ROBO1: variants seen among roughly 807,000 people sequenced by gnomAD.
ROBO1 encodes roundabout guidance receptor 1.
Under a neutral mutation model 195.9 loss-of-function variants are expected in ROBO1, and 149 were observed. That is an observed-to-expected ratio of 0.76 (90% confidence interval 0.67 to 0.87). The LOEUF is 0.87. Ranked by LOEUF, ROBO1 falls within the 40% of genes least tolerant of loss-of-function variation. The probability of loss-of-function intolerance (pLI) is 0.00; values close to 1 mark genes in which losing one functional copy is unlikely to be tolerated. For synonymous variants in ROBO1, 816 were observed against 733.2 expected, an observed-to-expected ratio of 1.11 and a Z score of -1.82; for missense variants, 1,933 against 2,068.3, an observed-to-expected ratio of 0.93 and a Z score of 1.27.
intron 2 of ROBO1, among the ~76,000 whole-genome samples, chr3:79,493,073 T>C (rs934157814): frequency 1.3e-5 from 2 of 151,906 alleles, no homozygotes; most frequent in African/African-American, 2.4e-5. Context: ...GAAAACAAAA[T>C]ACATCAGGCT....
chr3:78,741,095 G>A (rs1036122352), intron 5 of ROBO1, among the ~76,000 whole-genome samples: 4 of 151,946 alleles, frequency 2.6e-5, no homozygotes, highest in Non-Finnish European at 5.9e-5. Flanking sequence ...TATCACCTAG[G>A]TACTATTAAA....
At chr3:79,751,465 G>A (rs1275092651) in intron 1 of ROBO1, among the ~76,000 whole-genome samples, 1 of 151,996 alleles carries the variant, frequency 6.6e-6, no homozygotes, top group East Asian at 1.9e-4. Flanking sequence ...TTAGGGAAGG[G>A]GGATTAATAA....
chr3:79,183,540 G>T (rs555030714), intron 2 of ROBO1, among the ~76,000 whole-genome samples: 1 of 152,346 alleles, frequency 6.6e-6, no homozygotes, highest in Non-Finnish European at 1.5e-5. Context: ...AAGGAAACAA[G>T]AAATAGATCT....
chr3:78,930,906 T>G (rs866785145), intron 4 of ROBO1, among the ~76,000 whole-genome samples: 1 of 152,212 alleles, frequency 6.6e-6, no homozygotes, highest in South Asian at 2.1e-4. Flanking sequence ...CATTGCATAT[T>G]GCCCAGTAAT....
At chr3:79,118,788 C>A (rs1380031691) in intron 3 of ROBO1, among the ~76,000 whole-genome samples, 1 of 151,394 alleles carries the variant, frequency 6.6e-6, no homozygotes, top group East Asian at 1.9e-4. Flanking sequence ...TTGCTTGAAC[C>A]CGGGAGGTGG....
intron 1 of ROBO1, among the ~76,000 whole-genome samples, chr3:79,675,272 T>G (rs1299731563): frequency 2.0e-5 from 3 of 152,048 alleles, no homozygotes; most frequent in East Asian, 3.9e-4. Context: ...CTTTGAAATT[T>G]TATATACTTA....
At chr3:78,667,646 A>C (rs1707813548) in intron 14 of ROBO1, among the ~76,000 whole-genome samples, 1 of 151,972 alleles carries the variant, frequency 6.6e-6, no homozygotes, top group Non-Finnish European at 1.5e-5. Flanking sequence ...TATATTTGTA[A>C]TTTTATGAGA....
At chr3:79,498,400 TTTG>T (rs1254637583) in intron 2 of ROBO1, among the ~76,000 whole-genome samples, 5 of 152,306 alleles carry the variant, frequency 3.3e-5, no homozygotes, top group Middle Eastern at 3.4e-3. Flanking sequence ...GTTTGCATCA[TTTG>T]TTGATTCTTA....
chr3:78,927,992 G>C (rs567635479), intron 4 of ROBO1, among the ~76,000 whole-genome samples: 35 of 152,268 alleles, frequency 2.3e-4, no homozygotes, highest in South Asian at 1.7e-3. Context: ...ACTGCCTGCT[G>C]TCAGCCAGGC....
At chr3:79,601,899 T>A (rs2107869539) in intron 1 of ROBO1, among the ~76,000 whole-genome samples, 1 of 152,090 alleles carries the variant, frequency 6.6e-6, no homozygotes, top group South Asian at 2.1e-4. Flanking sequence ...CATTTTTAAA[T>A]GGATGTGACA....
At chr3:79,029,304 A>C in intron 3 of ROBO1, among the ~76,000 whole-genome samples, 1 of 152,178 alleles carries the variant, frequency 6.6e-6, no homozygotes, top group Admixed American at 6.5e-5. Flanking sequence ...ATTTTTAAAA[A>C]GTCATCATCT....
chr3:79,434,791 T>G (rs531717188), intron 2 of ROBO1, among the ~76,000 whole-genome samples: 1 of 152,104 alleles, frequency 6.6e-6, no homozygotes, highest in African/African-American at 2.4e-5. Context: ...CTATTCACAA[T>G]AGCAAAGACT....
chr3:79,340,254 T>G (rs2034854934), intron 2 of ROBO1, among the ~76,000 whole-genome samples: 1 of 152,206 alleles, frequency 6.6e-6, no homozygotes, highest in African/African-American at 2.4e-5. Context: ...TAATTCCATT[T>G]CTTTGCCCAT....
At chr3:78,704,330 T>C (rs2081494661) in intron 8 of ROBO1, among the ~76,000 whole-genome samples, 1 of 152,092 alleles carries the variant, frequency 6.6e-6, no homozygotes, top group Admixed American at 6.5e-5. Context: ...TGCCTAGCTA[T>C]CATACGAGCT....
At chr3:79,292,466 G>T (rs1022680794) in intron 2 of ROBO1, among the ~76,000 whole-genome samples, 1 of 152,120 alleles carries the variant, frequency 6.6e-6, no homozygotes, top group East Asian at 1.9e-4. Context: ...GTTTTCAAAG[G>T]GAATGCTTCC....
At chr3:79,763,620 G>A (rs905323370) in intron 1 of ROBO1, among the ~76,000 whole-genome samples, 8 of 152,084 alleles carry the variant, frequency 5.3e-5, no homozygotes, top group African/African-American at 9.7e-5. Context: ...TGGATCCTTA[G>A]CAGGCATCCT....
At chr3:78,927,297 C>T (rs539425013) in intron 4 of ROBO1, among the ~76,000 whole-genome samples, 2 of 152,296 alleles carry the variant, frequency 1.3e-5, no homozygotes, top group East Asian at 3.9e-4. Flanking sequence ...TTACATTCTG[C>T]AAATAAAGGA....
At chr3:79,428,173 A>G (rs1449664294) in intron 2 of ROBO1, among the ~76,000 whole-genome samples, 2 of 152,178 alleles carry the variant, frequency 1.3e-5, no homozygotes, top group Non-Finnish European at 2.9e-5. Flanking sequence ...AAAAAGACAT[A>G]TAAGTGGCAA....
In ROBO1 at chr3:79,300,821, A is replaced by G. The variant is rs182220712; in HGVS notation, c.89-175282T>C. ...TAGCTCAGGGTTTGTGAATGCACCA[A>G]TCGACACTCTGTAGCTACTCAGGTG... On this transcript the variant is annotated intron_variant, in intron 2 of 30. Transcript: ENST00000464233. 4.7e-3 allele frequency among the ~76,000 whole-genome samples: 717 copies of G among 152,154 alleles called. 11 individuals are homozygous for G. Among genetic ancestry groups the G allele is most frequent in the African/African-American group, 0.016 (675 of 41,526 alleles).
Sources: allele counts gnomAD v4.1 joint callset (sites outside exome capture counted in the v4.1 genomes callset), GRCh38; gene constraint gnomAD v4.1.1; transcripts MANE v1.5; gene names NCBI Gene and HGNC (gene_info 2026-07-23, HGNC 2026-07-21).